CMTM6: variants seen among roughly 807,000 people sequenced by gnomAD.
CMTM6 encodes the protein CKLF-like MARVEL transmembrane domain-containing protein 6.
CMTM6 carries 5 observed loss-of-function variants against 13.6 expected under a neutral mutation model. The ratio of observed to expected loss-of-function variants is 0.37; its 90% CI spans 0.19 to 0.77. The LOEUF is 0.77. Ranked by LOEUF, CMTM6 falls within the 30% of genes least tolerant of loss-of-function variation. The pLI, the probability that CMTM6 is intolerant of heterozygous loss-of-function variation, is 0.50. For missense variants in CMTM6, 196 were observed against 218.6 expected (o/e 0.90, Z 0.65); for synonymous variants, 99 against 84.5 (o/e 1.17, Z -0.94).
chr3:32,501,829 T>TGGTTGGAA (rs1697348199), intron 1 of CMTM6, among the ~76,000 whole-genome samples: 1 of 152,210 alleles, frequency 6.6e-6, no homozygotes, highest in Non-Finnish European at 1.5e-5. Flanking sequence ...GGTTCAACCA[T>TGGTTGGAA]CAGTGGTTGG....
intron 1 of CMTM6, among the ~76,000 whole-genome samples, chr3:32,496,696 G>A (rs1273461288): frequency 6.6e-6 from 1 of 152,200 alleles, no homozygotes; most frequent in Admixed American, 6.5e-5. Flanking sequence ...AGAAGGATGA[G>A]TGGAAAAGCA....
At position 32,502,713 on chromosome 3, in the gene CMTM6, C is replaced by T; in HGVS notation, c.33G>A (p.Thr11=). ...CTCTGGCGGGGCCCGGGTCCTCCTC[C>T]GTAGTGGGGCTGTACACCGCTCCGT... MENGAVYSPT[T]EEDPGPARGP... is the part of the protein sequence containing the mutation. Residue 11 remains threonine, a synonymous_variant, in exon 1 of 4, where the codon ACG becomes ACA. Transcript: ENST00000205636. The T allele has an allele frequency of 1.3e-6, 2 of 1,577,910 alleles. No homozygotes were observed. Among genetic ancestry groups the T allele is most frequent in the African/African-American group, 1.4e-5 (1 of 73,700 alleles).
At chr3:32,494,085 A>G (rs558971959) in intron 1 of CMTM6, among the ~76,000 whole-genome samples, 1 of 152,356 alleles carries the variant, frequency 6.6e-6, no homozygotes, top group African/African-American at 2.4e-5. Flanking sequence ...GAAACCAGTA[A>G]GATGGGTGGG....
rs958881709 is a variant in CMTM6, at chr3:32,483,906, C to T, written c.*54G>A. The T allele has an allele frequency of 3.5e-6, 5 of 1,443,464 alleles. No homozygotes were observed. The South Asian group carries it at 6.4e-5, about 18-fold the overall frequency. 89.4% of individuals were successfully genotyped at this position (1,443,464 alleles called of 1,614,324 possible). A position where few individuals can be genotyped will look rare whatever the true frequency, so the allele number is the denominator to read the frequency against. On this transcript the variant is annotated 3_prime_UTR_variant, in exon 4 of 4. Coordinates refer to ENST00000205636, the MANE Select transcript of CMTM6 (RefSeq NM_017801.3). ...TTTTACAAGAGCTTCTGCCAGGGCT[C>T]AGGCACCACAATGCAGGGTCACTAC...
rs866158518 is a variant in CMTM6 at position 32,487,973 on chromosome 3, TG to T, written c.378del (p.Thr127HisfsTer17). On this transcript the variant is annotated frameshift_variant, in exon 3 of 4. Coordinates refer to ENST00000205636, the MANE Select transcript of CMTM6 (RefSeq NM_017801.3). LOFTEE classifies it low-confidence loss of function (END_TRUNC). The stretch of plus-strand genomic sequence containing the variant: ...ATCTCAGCTGAAGTCCTGTCATGTG[TG>T]GAAACAAAAATGATGGATGCCAACA... ...VFLLASIIFV[S>X]THDRTSAEIA... The T allele has an allele frequency of 6.2e-7, 1 of 1,613,752 alleles. No homozygotes were observed. Among genetic ancestry groups the T allele is most frequent in the African/African-American group, 1.3e-5 (1 of 74,926 alleles).
At chr3:32,494,041 A>G (rs1430525334) in intron 1 of CMTM6, among the ~76,000 whole-genome samples, 2 of 152,200 alleles carry the variant, frequency 1.3e-5, no homozygotes, top group Non-Finnish European at 2.9e-5. Context: ...GAATTTCAAC[A>G]TGGGAGAACT....
At chr3:32,497,411 A>AAAG (rs1697304466) in intron 1 of CMTM6, among the ~76,000 whole-genome samples, 1 of 121,798 alleles carries the variant, frequency 8.2e-6, no homozygotes, top group Non-Finnish European at 1.7e-5. Context: ...GAAAGAAAAA[A>AAAG]CTCCTTAAAA....
At chr3:32,499,013 T>C (rs557314824) in intron 1 of CMTM6, among the ~76,000 whole-genome samples, 3 of 152,326 alleles carry the variant, frequency 2.0e-5, no homozygotes, top group South Asian at 2.1e-4. Flanking sequence ...CCATTAATTA[T>C]AAAGCTCCAT....
intron 1 of CMTM6, among the ~76,000 whole-genome samples, chr3:32,494,596 G>A (rs1418278010): frequency 6.6e-6 from 1 of 152,024 alleles, no homozygotes; most frequent in East Asian, 1.9e-4. Context: ...TTTATTCATA[G>A]TAGCCCCAAA....
At chr3:32,495,945 C>T (rs148340880) in intron 1 of CMTM6, among the ~76,000 whole-genome samples, 210 of 152,282 alleles carry the variant, frequency 1.4e-3, no homozygotes, top group African/African-American at 4.8e-3. Context: ...AATCCCAGCA[C>T]TCTGGGAGGC....
At chr3:32,484,239 A>AT in intron 3 of CMTM6, 142 bp from the exon 4 acceptor site, 7 of 655,786 alleles carry the variant, frequency 1.1e-5, no homozygotes, top group Admixed American at 3.9e-5. Flanking sequence ...TGGTAAAAAA[A>AT]ATTTTTTTAA....
chr3:32,489,861 C>T (rs1697236224), intron 2 of CMTM6, among the ~76,000 whole-genome samples: 1 of 152,088 alleles, frequency 6.6e-6, no homozygotes, highest in Admixed American at 6.5e-5. Context: ...GGTTCTAGAG[C>T]CAGTCTACCT....
intron 1 of CMTM6, among the ~76,000 whole-genome samples, 157 bp downstream of exon 1, chr3:32,502,451 A>C: frequency 6.6e-6 from 1 of 152,090 alleles, no homozygotes. Flanking sequence ...GCGGAGGGTA[A>C]CGCCCCCTTC....
At chr3:32,490,642 G>A (rs138486714) in intron 2 of CMTM6, among the ~76,000 whole-genome samples, 166 of 151,854 alleles carry the variant, frequency 1.1e-3, no homozygotes, top group African/African-American at 3.6e-3. Context: ...CTTTTTTTAC[G>A]TTACACCATT....
At chr3:32,497,766 G>C (rs1398593913) in intron 1 of CMTM6, among the ~76,000 whole-genome samples, 2 of 151,576 alleles carry the variant, frequency 1.3e-5, no homozygotes, top group Admixed American at 1.3e-4. Flanking sequence ...GCTGAGGCAG[G>C]AGAATTGCTT....
intron 1 of CMTM6, 102 bp downstream of exon 1, chr3:32,502,506 T>C (rs1228597392): frequency 6.2e-5 from 90 of 1,449,062 alleles, no homozygotes; most frequent in Non-Finnish European, 8.0e-5. Flanking sequence ...AACCTCCTTT[T>C]ACTGAACAAC....
At position 32,502,829 on chromosome 3, in the gene CMTM6, G is replaced by C; in HGVS notation, c.-84C>G. The stretch of plus-strand genomic sequence containing the variant: ...CAGAAGTCCCCGGTAGCCGGGAGGC[G>C]GCCGTCACTTCCTGGGCCTTCTCCC... On this transcript the variant is annotated 5_prime_UTR_variant, in exon 1 of 4. Coordinates refer to ENST00000205636, the MANE Select transcript of CMTM6 (RefSeq NM_017801.3). The C allele has an allele frequency of 2.2e-6, 3 of 1,348,870 alleles. No homozygotes were observed. Among genetic ancestry groups the C allele is most frequent in the African/African-American group, 1.5e-5 (1 of 64,978 alleles). The allele number at this position is 1,348,870 out of a possible 1,614,324, so 83.6% of individuals were successfully genotyped here.
At chr3:32,487,816 C>A in intron 3 of CMTM6, 122 bp downstream of exon 3, 1 of 594,438 alleles carries the variant, frequency 1.7e-6, no homozygotes, top group South Asian at 2.8e-5. Flanking sequence ...TTCAAAATTA[C>A]ACTAAAAAGT....
At position 32,486,043 on chromosome 3, in the gene CMTM6, A is replaced by G. The variant is rs540931424; in HGVS notation, c.414+1895T>C. Reference sequence around the variant, plus strand: ...CAGGCGCCTGCCACCATGCCCGGCTAAGTTTTGTATTTTTAGTAGAGACAA... The same window carrying G: ...CAGGCGCCTGCCACCATGCCCGGCTGAGTTTTGTATTTTTAGTAGAGACAA... On this transcript the variant is annotated intron_variant, in intron 3 of 3. Transcript: ENST00000205636. Among the ~76,000 whole-genome samples, 11 of 152,100 alleles carry G rather than the reference A, an allele frequency of 7.2e-5. No individual in the cohort carries two copies. In the South Asian group the frequency reaches 2.3e-3, roughly 32 times the overall value.
Sources: allele counts gnomAD v4.1 joint callset (sites outside exome capture counted in the v4.1 genomes callset), GRCh38; gene constraint gnomAD v4.1.1; transcripts MANE v1.5; gene names NCBI Gene and HGNC (gene_info 2026-07-23, HGNC 2026-07-21).